The following XKR4 variants were observed in gnomAD, a reference collection of about 807,000 sequenced individuals.
XKR4 encodes XK-related protein 4.
XKR4 carries 12 observed loss-of-function variants against 53.9 expected under a neutral mutation model. That is an observed-to-expected ratio of 0.22 (90% confidence interval 0.14 to 0.36). The LOEUF (loss-of-function observed/expected upper bound fraction) is 0.36. Among genes scored for constraint, XKR4 ranks in the 10% least tolerant of loss-of-function variants. The pLI, the probability that XKR4 is intolerant of heterozygous loss-of-function variation, is 1.00. For synonymous variants in XKR4, 354 were observed against 362.4 expected (o/e 0.98, Z 0.26); for missense variants, 799 against 859.5 (o/e 0.93, Z 0.88).
At chr8:55,121,466 A>G (rs937410847) in intron 1 of XKR4, among the ~76,000 whole-genome samples, 8 of 152,230 alleles carry the variant, frequency 5.3e-5, no homozygotes, top group Non-Finnish European at 1.0e-4. Context: ...AGACACACTA[A>G]AATTAGGGAG....
At chr8:55,312,891 G>A (rs1819408113) in intron 1 of XKR4, among the ~76,000 whole-genome samples, 1 of 152,206 alleles carries the variant, frequency 6.6e-6, no homozygotes, top group Non-Finnish European at 1.5e-5. Context: ...GACCCAGGTT[G>A]TTGTGGATCT....
chr8:55,351,773 G>A (rs1040846668), intron 1 of XKR4, among the ~76,000 whole-genome samples: 1 of 152,150 alleles, frequency 6.6e-6, no homozygotes, highest in Non-Finnish European at 1.5e-5. Context: ...TAGTCTTCCG[G>A]CCAATGCCCC....
chr8:55,451,347 G>A lies in XKR4; in HGVS notation c.1007-71934G>A, dbSNP rs1805439644. 22 of 646,050 alleles carry A rather than the reference G, an allele frequency of 3.4e-5. No homozygotes were observed. In the South Asian group the frequency reaches 3.8e-4, roughly 11 times the overall value. The allele number at this position is 646,050 out of a possible 1,614,324, so 40.0% of individuals were successfully genotyped here. ...ACAGAGTGGTGACCCTGGCTCTGGG[G>A]CTGCCAATGTGACTCCCCACGTGGG... On this transcript the variant is annotated intron_variant, in intron 2 of 2. Transcript: ENST00000327381.
intron 2 of XKR4, among the ~76,000 whole-genome samples, chr8:55,421,018 T>C (rs1027085015): frequency 1.3e-5 from 2 of 152,194 alleles, no homozygotes; most frequent in Non-Finnish European, 2.9e-5. Context: ...TATGCTACTT[T>C]CACTTTATAA....
intron 2 of XKR4, among the ~76,000 whole-genome samples, chr8:55,396,155 C>T (rs906684509): frequency 6.6e-6 from 1 of 152,144 alleles, no homozygotes; most frequent in Admixed American, 6.5e-5. Flanking sequence ...CATAACATGC[C>T]CTTCCACAAA....
At chr8:55,426,194 T>A (rs1805010598) in intron 2 of XKR4, among the ~76,000 whole-genome samples, 1 of 152,242 alleles carries the variant, frequency 6.6e-6, no homozygotes, top group Admixed American at 6.5e-5. Context: ...AGAATTTAAC[T>A]TTTCAAACTT....
At chr8:55,243,053 T>C (rs1442516583) in intron 1 of XKR4, among the ~76,000 whole-genome samples, 2 of 152,196 alleles carry the variant, frequency 1.3e-5, no homozygotes, top group East Asian at 3.8e-4. Flanking sequence ...CAGTTTTATG[T>C]TCACAGCAAA....
chr8:55,458,308 G>T (rs937098379), intron 2 of XKR4, among the ~76,000 whole-genome samples: 4 of 152,254 alleles, frequency 2.6e-5, no homozygotes, highest in African/African-American at 9.6e-5. Context: ...CCTCATGGGA[G>T]GGGAAGCATG....
At chr8:55,303,562 A>G (rs1234101002) in intron 1 of XKR4, among the ~76,000 whole-genome samples, 1 of 152,238 alleles carries the variant, frequency 6.6e-6, no homozygotes, top group Admixed American at 6.5e-5. Flanking sequence ...GAATAGTTTC[A>G]GAAGGAATGG....
chr8:55,215,677 G>A (rs1476315955), intron 1 of XKR4, among the ~76,000 whole-genome samples: 2 of 151,912 alleles, frequency 1.3e-5, no homozygotes, highest in Non-Finnish European at 2.9e-5. Flanking sequence ...ATTTGATGCA[G>A]GAAAAAAATA....
intron 1 of XKR4, among the ~76,000 whole-genome samples, chr8:55,206,429 C>A (rs959246888): frequency 1.3e-5 from 2 of 152,062 alleles, no homozygotes; most frequent in Non-Finnish European, 2.9e-5. Flanking sequence ...CAGGAGCCCA[C>A]CTGGCTTCAC....
intron 2 of XKR4, among the ~76,000 whole-genome samples, chr8:55,508,545 C>A (rs1246868103): frequency 1.3e-5 from 2 of 152,148 alleles, no homozygotes; most frequent in Non-Finnish European, 2.9e-5. Flanking sequence ...TTCTGGCCAC[C>A]AGTGGGGAGA....
intron 2 of XKR4, among the ~76,000 whole-genome samples, chr8:55,467,808 T>TC (rs763579673): frequency 9.2e-5 from 14 of 152,276 alleles, no homozygotes; most frequent in Non-Finnish European, 2.1e-4. Flanking sequence ...AAATGACCAG[T>TC]CCATTTATGT....
chr8:55,218,564 C>G (rs1004431556), intron 1 of XKR4, among the ~76,000 whole-genome samples: 24 of 152,140 alleles, frequency 1.6e-4, no homozygotes, highest in African/African-American at 5.6e-4. Context: ...TGCAAACAAT[C>G]CCTTTTAAGT....
At chr8:55,151,121 GCTA>G (rs1227189590) in intron 1 of XKR4, among the ~76,000 whole-genome samples, 1 of 152,142 alleles carries the variant, frequency 6.6e-6, no homozygotes, top group East Asian at 1.9e-4. Flanking sequence ...CATCTCTCAA[GCTA>G]TAGGTAATAC....
intron 2 of XKR4, among the ~76,000 whole-genome samples, chr8:55,413,047 A>G (rs1161792948): frequency 6.6e-6 from 1 of 152,244 alleles, no homozygotes; most frequent in Non-Finnish European, 1.5e-5. Flanking sequence ...AAATGAAACC[A>G]GATTTACCCT....
At chr8:55,115,230 A>G (rs572140927) in intron 1 of XKR4, among the ~76,000 whole-genome samples, 28 of 152,200 alleles carry the variant, frequency 1.8e-4, no homozygotes, top group Non-Finnish European at 1.6e-4. Context: ...ATGGTCAGAA[A>G]GGCTAATGTG....
intron 2 of XKR4, among the ~76,000 whole-genome samples, chr8:55,511,130 G>T (rs1432788293): frequency 2.6e-5 from 4 of 152,096 alleles, no homozygotes; most frequent in Non-Finnish European, 4.4e-5. Context: ...AGCAACCCAG[G>T]GGGTGGGACG....
In XKR4 at chr8:55,102,423, C is replaced by A; in HGVS notation, c.-66C>A. On this transcript the variant is annotated 5_prime_UTR_variant, in exon 1 of 3. Transcript: ENST00000327381. The surrounding 1 kb of genome is among the most constrained non-coding windows in gnomAD (Gnocchi z 5.1). Reference sequence around the variant, plus strand: ...AAGCCGGGGCGAGGCGAGGAGGTGGCGGGAGGAGGAGACAGCGGGGAAAGG... The same window carrying A: ...AAGCCGGGGCGAGGCGAGGAGGTGGAGGGAGGAGGAGACAGCGGGGAAAGG... The A allele has an allele frequency of 6.8e-7, 1 of 1,474,238 alleles. No individual in the cohort carries two copies. Among genetic ancestry groups the A allele is most frequent in the South Asian group, 1.3e-5 (1 of 78,226 alleles). The allele number at this position is 1,474,238 out of a possible 1,614,324, so 91.3% of individuals were successfully genotyped here.
Sources: allele counts gnomAD v4.1 joint callset (sites outside exome capture counted in the v4.1 genomes callset), GRCh38; gene constraint gnomAD v4.1.1; non-coding constraint Gnocchi (gnomAD v3.1); transcripts MANE v1.5; gene names NCBI Gene and HGNC (gene_info 2026-07-23, HGNC 2026-07-21).